PRKCA: variants seen among roughly 807,000 people sequenced by gnomAD.
PRKCA encodes protein kinase C alpha.
Under a neutral mutation model 87.0 loss-of-function variants are expected in PRKCA, and 27 were observed. The observed-to-expected ratio is 0.31, with a 90% CI of 0.23 to 0.43. PRKCA has a LOEUF of 0.43. Among genes scored for constraint, PRKCA ranks in the 20% least tolerant of loss-of-function variants. The pLI is 1.00. For missense variants in PRKCA, 518 were observed against 852.3 expected (o/e 0.61, Z 4.88); for synonymous variants, 329 against 311.1 (o/e 1.06, Z -0.61).
chr17:66,726,576 C>G (rs1263558635), intron 8 of PRKCA, among the ~76,000 whole-genome samples: 2 of 152,074 alleles, frequency 1.3e-5, no homozygotes, highest in Admixed American at 1.3e-4. Flanking sequence ...TGGGAGCTTG[C>G]GGCAGGCTGG....
chr17:66,315,502 C>G (rs144251314), intron 2 of PRKCA, among the ~76,000 whole-genome samples: 6 of 145,360 alleles, frequency 4.1e-5, no homozygotes, highest in African/African-American at 1.5e-4. Flanking sequence ...TTTTCTGAGA[C>G]GGAGTCTTGC....
intron 3 of PRKCA, among the ~76,000 whole-genome samples, chr17:66,512,132 G>A (rs1313246158): frequency 6.6e-6 from 1 of 152,084 alleles, no homozygotes; most frequent in Non-Finnish European, 1.5e-5. Flanking sequence ...CTCCACAGTA[G>A]CTAGTCTGAT....
At chr17:66,715,362 A>G (rs966846191) in intron 8 of PRKCA, among the ~76,000 whole-genome samples, 12 of 151,062 alleles carry the variant, frequency 7.9e-5, no homozygotes, top group African/African-American at 2.7e-4. Flanking sequence ...TTTTCATTGA[A>G]CTCTGCCCTC....
intron 5 of PRKCA, among the ~76,000 whole-genome samples, chr17:66,648,770 A>C (rs2143833671): frequency 6.6e-6 from 1 of 152,284 alleles, no homozygotes; most frequent in African/African-American, 2.4e-5. Context: ...GCCCTTGTAT[A>C]ACTATAGTAC....
chr17:66,538,529 G>C (rs569513043), intron 3 of PRKCA, among the ~76,000 whole-genome samples: 2 of 152,308 alleles, frequency 1.3e-5, no homozygotes, highest in East Asian at 3.9e-4. Flanking sequence ...GTCTGTGGCA[G>C]CTTGAATGCT....
chr17:66,374,719 C>CTTTTTTTTTTTTTTTTTTTTT (rs35431248), intron 2 of PRKCA, among the ~76,000 whole-genome samples: 3 of 115,826 alleles, frequency 2.6e-5, no homozygotes, highest in Non-Finnish European at 5.1e-5. Flanking sequence ...GAGTTGCATT[C>CTTTTTTTTTTTTTTTTTTTTT]TTTTTTTTTT....
At chr17:66,556,729 T>C (rs1289908110) in intron 3 of PRKCA, among the ~76,000 whole-genome samples, 1 of 152,210 alleles carries the variant, frequency 6.6e-6, no homozygotes. Flanking sequence ...TGCTCAGCTC[T>C]CATTCTTCTC....
In PRKCA at chr17:66,344,835, G is replaced by A. The variant is rs904575400; in HGVS notation, c.205+38708G>A. Among the ~76,000 whole-genome samples the A allele has an allele frequency of 9.2e-5, 14 of 152,216 alleles. 1 individual carries two copies. Among genetic ancestry groups the A allele is most frequent in the Admixed American group, 5.9e-4 (9 of 15,286 alleles). ...GGCTGGGGTGCACTTGCGCGATCTCGGCTCACTGCAACTTCCACCTCCTGG... is the reference window on the plus strand; with the variant it reads ...GGCTGGGGTGCACTTGCGCGATCTCAGCTCACTGCAACTTCCACCTCCTGG... On this transcript the variant is annotated intron_variant, in intron 2 of 16. Transcript: ENST00000413366.
At chr17:66,479,729 T>C (rs1915693610) in intron 2 of PRKCA, among the ~76,000 whole-genome samples, 1 of 152,140 alleles carries the variant, frequency 6.6e-6, no homozygotes, top group African/African-American at 2.4e-5. Flanking sequence ...CTGGAGGCAA[T>C]TATCCTTACC....
intron 2 of PRKCA, among the ~76,000 whole-genome samples, chr17:66,389,613 C>A (rs1910254555): frequency 6.6e-6 from 1 of 152,218 alleles, no homozygotes; most frequent in Non-Finnish European, 1.5e-5. Flanking sequence ...TTGTCCTGGG[C>A]CAGGATGGTT....
chr17:66,303,234 C>T (rs2143082657), intron 1 of PRKCA, among the ~76,000 whole-genome samples: 1 of 152,242 alleles, frequency 6.6e-6, no homozygotes, highest in African/African-American at 2.4e-5. Flanking sequence ...CACACACACC[C>T]CCTGGCGCGA....
At position 66,422,800 on chromosome 17, in the gene PRKCA, T is replaced by C. The variant is rs576194241; in HGVS notation, c.206-73401T>C. Among the ~76,000 whole-genome samples, 80 of 152,296 alleles carry C rather than the reference T, an allele frequency of 5.3e-4. No individual in the cohort carries two copies. The South Asian group carries it at 9.5e-3, about 18-fold the overall frequency. On this transcript the variant is annotated intron_variant, in intron 2 of 16. Transcript: ENST00000413366. Reference sequence around the variant, plus strand: ...TCATTCAATAACCACAGGTAGATAGTGCTCTCACCTCATTAAAGCATTATT... The same window carrying C: ...TCATTCAATAACCACAGGTAGATAGCGCTCTCACCTCATTAAAGCATTATT...
intron 3 of PRKCA, among the ~76,000 whole-genome samples, chr17:66,504,538 G>A (rs1009782465): frequency 2.0e-5 from 3 of 151,826 alleles, no homozygotes; most frequent in African/African-American, 7.3e-5. Flanking sequence ...GTTGCAGTGA[G>A]CCAAGATTGC....
chr17:66,652,364 TTGGGGACAG>T (rs1324424831), intron 5 of PRKCA, among the ~76,000 whole-genome samples: 1 of 152,162 alleles, frequency 6.6e-6, no homozygotes, highest in Non-Finnish European at 1.5e-5. Context: ...AAAGAACATT[TTGGGGACAG>T]TGGGGACAGT....
chr17:66,780,169 AAAC>A (rs758210895), intron 14 of PRKCA, among the ~76,000 whole-genome samples: 13 of 152,120 alleles, frequency 8.5e-5, no homozygotes, highest in Admixed American at 2.6e-4. Context: ...TCAGAGAAGA[AAAC>A]AATGATATGC....
chr17:66,625,135 G>A (rs1160615385), intron 3 of PRKCA, among the ~76,000 whole-genome samples: 3 of 152,160 alleles, frequency 2.0e-5, no homozygotes, highest in Non-Finnish European at 4.4e-5. Context: ...TGTACAGAAC[G>A]TTTCCTCTTA....
At chr17:66,306,316 T>G (rs1231958834) in intron 2 of PRKCA, 189 bp downstream of exon 2, 1 of 429,146 alleles carries the variant, frequency 2.3e-6, no homozygotes, top group East Asian at 3.6e-5. Flanking sequence ...AGAGCTGCCT[T>G]TTTCTCATTG....
intron 2 of PRKCA, chr17:66,364,182 C>G (rs1908562796): frequency 6.6e-6 from 1 of 152,302 alleles, no homozygotes; most frequent in Non-Finnish European, 1.5e-5. Flanking sequence ...GAGTCGGGGA[C>G]CACCAGGTTG....
At chr17:66,303,395 G>A (rs887073814) in intron 1 of PRKCA, among the ~76,000 whole-genome samples, 9 of 152,178 alleles carry the variant, frequency 5.9e-5, no homozygotes, top group Non-Finnish European at 1.3e-4. Flanking sequence ...GAGGCCCTAA[G>A]GGGGCAAAGG....
Sources: allele counts gnomAD v4.1 joint callset (sites outside exome capture counted in the v4.1 genomes callset), GRCh38; gene constraint gnomAD v4.1.1; transcripts MANE v1.5; gene names NCBI Gene and HGNC (gene_info 2026-07-23, HGNC 2026-07-21).